NELL1: variants seen among roughly 807,000 people sequenced by gnomAD.
NELL1 encodes the protein neural EGFL like 1, also known as protein kinase C-binding protein NELL1.
A neutral mutation model predicts 107.4 loss-of-function variants in NELL1; 76 were observed. The observed-to-expected ratio is 0.71, with a 90% CI of 0.59 to 0.86. The LOEUF (loss-of-function observed/expected upper bound fraction) is 0.86. NELL1 is among the 40% of genes least tolerant of loss of function. The pLI is 0.00. For missense variants in NELL1, 1,024 were observed against 1,005.5 expected, an observed-to-expected ratio of 1.02 and a Z score of -0.25; for synonymous variants, 353 against 341.2, an observed-to-expected ratio of 1.03 and a Z score of -0.38.
At chr11:20,979,801 T>A (rs1851713328) in intron 12 of NELL1, among the ~76,000 whole-genome samples, 2 of 152,214 alleles carry the variant, frequency 1.3e-5, no homozygotes, top group African/African-American at 4.8e-5. Context: ...CCTCTTCATT[T>A]ACAATGTTAG....
chr11:20,729,141 T>A (rs934242615), intron 2 of NELL1, among the ~76,000 whole-genome samples: 1 of 152,210 alleles, frequency 6.6e-6, no homozygotes. Context: ...TACTGATTTT[T>A]TTTTAACATT....
chr11:20,702,970 C>T (rs1213256162), intron 2 of NELL1, among the ~76,000 whole-genome samples: 1 of 152,056 alleles, frequency 6.6e-6, no homozygotes, highest in African/African-American at 2.4e-5. Flanking sequence ...CTAAAATTCT[C>T]TTTTTTTGTT....
chr11:21,298,514 T>G (rs1039751579), intron 14 of NELL1, among the ~76,000 whole-genome samples: 1 of 151,988 alleles, frequency 6.6e-6, no homozygotes, highest in South Asian at 2.1e-4. Context: ...GGTCTGAGAA[T>G]TGATGTGCTT....
chr11:21,554,276 A>C (rs1856656147), intron 16 of NELL1, among the ~76,000 whole-genome samples: 1 of 151,890 alleles, frequency 6.6e-6, no homozygotes, highest in Admixed American at 6.6e-5. Flanking sequence ...CTATAAATAA[A>C]ATGTAATTAG....
chr11:20,837,988 A>T (rs1402023715), intron 3 of NELL1, among the ~76,000 whole-genome samples: 2 of 151,976 alleles, frequency 1.3e-5, no homozygotes, highest in African/African-American at 2.4e-5. Context: ...TCCAAAGAGG[A>T]CAGTATAAAA....
chr11:21,072,098 G>T (rs1243572816), intron 12 of NELL1, among the ~76,000 whole-genome samples: 4 of 152,138 alleles, frequency 2.6e-5, no homozygotes, highest in African/African-American at 9.7e-5. Flanking sequence ...TAGCAACTAA[G>T]ATATATTTAT....
intron 16 of NELL1, among the ~76,000 whole-genome samples, chr11:21,542,727 G>T (rs1856321605): frequency 6.6e-6 from 1 of 152,000 alleles, no homozygotes; most frequent in Non-Finnish European, 1.5e-5. Context: ...ATGATCGGCA[G>T]ATTTTTAAAC....
intron 13 of NELL1, among the ~76,000 whole-genome samples, chr11:21,122,972 A>G (rs562973882): frequency 1.3e-5 from 2 of 152,266 alleles, no homozygotes; most frequent in Admixed American, 1.3e-4. Flanking sequence ...GGTTATTTTC[A>G]GTATGATAGT....
At chr11:20,796,542 T>A (rs1857172269) in intron 3 of NELL1, among the ~76,000 whole-genome samples, 1 of 28,184 alleles carries the variant, frequency 3.5e-5, no homozygotes, top group Non-Finnish European at 9.3e-5. Flanking sequence ...ATTGGAGACT[T>A]GCCCTAAAAA....
At chr11:20,794,783 C>T (rs1285937621) in intron 3 of NELL1, among the ~76,000 whole-genome samples, 1 of 152,112 alleles carries the variant, frequency 6.6e-6, no homozygotes, top group African/African-American at 2.4e-5. Flanking sequence ...TCATCCCACA[C>T]ACCACCCCCA....
chr11:21,264,891 TAGAG>T (rs1360830117), intron 14 of NELL1, among the ~76,000 whole-genome samples: 35 of 151,920 alleles, frequency 2.3e-4, no homozygotes. Flanking sequence ...GCCTCCAAAA[TAGAG>T]AGCAGTTGAA....
At chr11:20,991,991 C>CAAAAAAAA (rs57278158) in intron 12 of NELL1, among the ~76,000 whole-genome samples, 1 of 110,052 alleles carries the variant, frequency 9.1e-6, no homozygotes, top group African/African-American at 3.4e-5. Flanking sequence ...GTGTAGCATG[C>CAAAAAAAA]AAAAAAAAAA....
At chr11:20,917,239 A>G (rs894256470) in intron 5 of NELL1, among the ~76,000 whole-genome samples, 8 of 152,010 alleles carry the variant, frequency 5.3e-5, no homozygotes, top group Non-Finnish European at 1.2e-4. Context: ...ATCCTTGAAG[A>G]GGAAGAGGTT....
rs540225875 is a variant in NELL1, at chr11:21,060,397, A to T, written c.1301-53192A>T. Reference sequence around the variant, plus strand: ...AAACGTTAGCTGTTGTTGTTAATTAATAAGTTCAGTCATTTGCTTCCTGTG... The same window carrying T: ...AAACGTTAGCTGTTGTTGTTAATTATTAAGTTCAGTCATTTGCTTCCTGTG... On this transcript the variant is annotated intron_variant, in intron 12 of 19. Transcript: ENST00000357134. 2.0e-5 allele frequency among the ~76,000 whole-genome samples: 3 copies of T among 152,332 alleles called. No homozygotes were observed. The South Asian group carries it at 6.2e-4, about 32-fold the overall frequency.
intron 14 of NELL1, among the ~76,000 whole-genome samples, chr11:21,291,559 C>T (rs1849263112): frequency 6.6e-6 from 1 of 152,132 alleles, no homozygotes; most frequent in Non-Finnish European, 1.5e-5. Context: ...GAACTCCTCC[C>T]TAACTCATTT....
At chr11:20,743,519 G>T (rs1332795516) in intron 2 of NELL1, among the ~76,000 whole-genome samples, 1 of 152,060 alleles carries the variant, frequency 6.6e-6, no homozygotes, top group Non-Finnish European at 1.5e-5. Context: ...ATTTTCTTTT[G>T]TAATTAGTTG....
At chr11:21,529,193 C>G (rs115893066) in intron 15 of NELL1, among the ~76,000 whole-genome samples, 1 of 152,108 alleles carries the variant, frequency 6.6e-6, no homozygotes, top group African/African-American at 2.4e-5. Context: ...ATTTTCAATA[C>G]GTGATTTCCA....
rs758728653 is a variant in NELL1 at position 20,847,688 on chromosome 11, A to G, written c.441A>G (p.Gly147=). Residue 147 remains glycine (G), a synonymous_variant, in exon 4 of 20, where the codon GGA becomes GGG. Transcript: ENST00000357134. ...TEALPYRMAD[G]QWHKVALSVS... is the part of the protein sequence containing the mutation. ...CACTTCCTTACCGCATGGCAGATGG[A>G]CAATGGCACAAGGTTGCACTGTCAG... 22 of 1,613,762 alleles carry G rather than the reference A, an allele frequency of 1.4e-5. No individual in the cohort carries two copies. Among genetic ancestry groups the G allele is most frequent in the Non-Finnish European group, 1.8e-5 (21 of 1,179,820 alleles).
At chr11:20,775,897 GA>G (rs1856740945) in intron 2 of NELL1, among the ~76,000 whole-genome samples, 1 of 152,208 alleles carries the variant, frequency 6.6e-6, no homozygotes, top group Non-Finnish European at 1.5e-5. Flanking sequence ...TAGGGACATT[GA>G]ACTGGCTTTA....
Sources: allele counts gnomAD v4.1 joint callset (sites outside exome capture counted in the v4.1 genomes callset), GRCh38; gene constraint gnomAD v4.1.1; transcripts MANE v1.5; gene names NCBI Gene and HGNC (gene_info 2026-07-23, HGNC 2026-07-21).